TNS3: variants seen among roughly 807,000 people sequenced by gnomAD.
TNS3 encodes the protein tensin 3, also known as tensin-3.
TNS3 carries 45 observed loss-of-function variants against 140.9 expected under a neutral mutation model. That is an observed-to-expected ratio of 0.32 (90% CI 0.25 to 0.41). TNS3 has a LOEUF of 0.41. Among genes scored for constraint, TNS3 ranks in the 10% least tolerant of loss-of-function variants. The pLI is 1.00. For missense variants in TNS3, 1,716 were observed against 1,906.7 expected (o/e 0.90, Z 1.86); for synonymous variants, 815 against 788.4 (o/e 1.03, Z -0.56).
At chr7:47,530,088 T>C (rs2151941369) in intron 1 of TNS3, among the ~76,000 whole-genome samples, 1 of 152,322 alleles carries the variant, frequency 6.6e-6, no homozygotes, top group Admixed American at 6.5e-5. Context: ...AAAGCCTATG[T>C]CCACAAGAGA....
intron 11 of TNS3, 26 bp downstream of exon 11, chr7:47,415,068 G>GCCAATCCCCT: frequency 6.4e-7 from 1 of 1,569,732 alleles, no homozygotes; most frequent in Admixed American, 1.7e-5. Flanking sequence ...GCCAATCGCA[G>GCCAATCCCCT]GTGCCACGTC....
At chr7:47,494,623 C>A (rs1797932229) in intron 3 of TNS3, among the ~76,000 whole-genome samples, 1 of 152,128 alleles carries the variant, frequency 6.6e-6, no homozygotes, top group African/African-American at 2.4e-5. Flanking sequence ...AGGAAGCCTG[C>A]GGGCTTCGGA....
intron 1 of TNS3, among the ~76,000 whole-genome samples, chr7:47,550,680 G>A (rs2881800): frequency 0.042 from 6,384 of 152,268 alleles, 464 homozygotes; most frequent in African/African-American, 0.14. Flanking sequence ...AAAGATCTAC[G>A]TGGAAGGGCA....
chr7:47,472,873 G>A (rs1240849156), intron 4 of TNS3, among the ~76,000 whole-genome samples: 1 of 152,186 alleles, frequency 6.6e-6, no homozygotes, highest in African/African-American at 2.4e-5. Context: ...TGTTCAGGAC[G>A]CAGCAGCTGG....
At chr7:47,298,747 C>T (rs911304291) in intron 23 of TNS3, among the ~76,000 whole-genome samples, 3 of 152,234 alleles carry the variant, frequency 2.0e-5, no homozygotes, top group Admixed American at 1.3e-4. Flanking sequence ...CAGGCCTGAC[C>T]GGACCCACAG....
chr7:47,529,219 G>T, intron 1 of TNS3, 72 bp from the exon 2 acceptor site: 1 of 857,300 alleles, frequency 1.2e-6, no homozygotes, highest in Non-Finnish European at 1.6e-6. Flanking sequence ...TCATTTAAGG[G>T]AAATAATAAA....
chr7:47,401,063 T>C, intron 13 of TNS3, 149 bp from the exon 14 acceptor site: 1 of 1,215,224 alleles, frequency 8.2e-7, no homozygotes, highest in South Asian at 1.5e-5. Flanking sequence ...ACTTCAGCCC[T>C]GGGGCACAGG....
intron 3 of TNS3, among the ~76,000 whole-genome samples, chr7:47,496,840 G>A (rs982467641): frequency 2.6e-5 from 4 of 152,212 alleles, no homozygotes; most frequent in Admixed American, 1.3e-4. Context: ...CCAGGACTAC[G>A]GAAGTCCTCT....
chr7:47,570,302 AAC>A (rs1446064722), intron 1 of TNS3, among the ~76,000 whole-genome samples: 14 of 152,236 alleles, frequency 9.2e-5, no homozygotes, highest in African/African-American at 3.1e-4. Flanking sequence ...CAAACCCCAC[AAC>A]ACACTCTGTC....
chr7:47,361,874 A>G (rs1438698736), intron 17 of TNS3, among the ~76,000 whole-genome samples: 1 of 152,190 alleles, frequency 6.6e-6, no homozygotes, highest in Admixed American at 6.5e-5. Flanking sequence ...TGTAACATGA[A>G]TAAAATATTT....
chr7:47,557,923 C>A (rs1800237639), intron 1 of TNS3, among the ~76,000 whole-genome samples: 1 of 152,246 alleles, frequency 6.6e-6, no homozygotes, highest in Admixed American at 6.5e-5. Context: ...AGGATGGCCT[C>A]TTTTCCAGAG....
chr7:47,405,560 C>A, intron 13 of TNS3: 1 of 702,912 alleles, frequency 1.4e-6, no homozygotes, highest in African/African-American at 1.7e-5. Flanking sequence ...AATTCATGAC[C>A]TAAAGCAATT....
At chr7:47,490,213 A>C (rs1797760370) in intron 3 of TNS3, among the ~76,000 whole-genome samples, 2 of 152,200 alleles carry the variant, frequency 1.3e-5, no homozygotes, top group South Asian at 2.1e-4. Context: ...GTCCCAACTC[A>C]TGCATTCCTC....
At chr7:47,321,214 C>CA (rs986167482) in intron 20 of TNS3, among the ~76,000 whole-genome samples, 1 of 152,214 alleles carries the variant, frequency 6.6e-6, no homozygotes, top group Non-Finnish European at 1.5e-5. Context: ...GTTTTTGTTT[C>CA]ACTAAGGTTT....
intron 4 of TNS3, among the ~76,000 whole-genome samples, chr7:47,452,717 T>C (rs1796071270): frequency 6.6e-6 from 1 of 152,160 alleles, no homozygotes; most frequent in Non-Finnish European, 1.5e-5. Context: ...ACAAATAAGT[T>C]TCCCAAGAAG....
chr7:47,303,061 G>A lies in TNS3; in HGVS notation c.3346C>T (p.Pro1116Ser), dbSNP rs766536504. The A allele has an allele frequency of 2.5e-6, 4 of 1,614,236 alleles. No individual in the cohort carries two copies. Among genetic ancestry groups the A allele is most frequent in the Admixed American group, 1.7e-5 (1 of 60,036 alleles). Residue 1116 changes from proline to serine, a missense_variant, in exon 22 of 31, where the codon CCC (proline) becomes TCC (serine). By Grantham distance (74) the Pro-to-Ser change is moderately conservative (BLOSUM62 -1). Around this residue, in one of 3 missense-constraint regions of TNS3, gnomAD observed 1,163 missense variants for 1,182.1 expected, o/e 0.98. Transcript: ENST00000311160. ...GGGCTGGAGAAGCCACTGGAGGAGGGAGAGACTGAGCCCAAAGAACGATCC... is the reference window on the plus strand; with the variant it reads ...GGGCTGGAGAAGCCACTGGAGGAGGAAGAGACTGAGCCCAAAGAACGATCC... ...EGDRSLGSVSPSSSGFSSPHS... is the reference protein window; with the variant it reads ...EGDRSLGSVSSSSSGFSSPHS...
In TNS3 at chr7:47,400,889, C is replaced by T. The variant is rs765756443; in HGVS notation, c.749G>A (p.Arg250His). 9.9e-6 allele frequency: 16 copies of T among 1,614,068 alleles called. No homozygotes were observed. Among genetic ancestry groups the T allele is most frequent in the East Asian group, 2.2e-5 (1 of 44,894 alleles). The change falls in exon 14 of 31, where the codon CGC becomes CAC. Residue 250 changes from arginine (R) to histidine (H), a missense_variant. By Grantham distance (29) the Arg-to-His change is conservative. This residue lies in a region of TNS3 where 337 missense variants were observed against 428.9 expected (regional missense o/e 0.79). Transcript: ENST00000311160. ...GAAAATGACGTCACGGGTGGCCGAG[C>T]GGTATTTCTTGTGGTAGCATTTCAC... ...VMVKCYHKKY[R>H]SATRDVIFRL...
intron 20 of TNS3, among the ~76,000 whole-genome samples, chr7:47,340,576 C>CTTTTTTTTCTTTTTTTTCTTTT (rs1788945245): frequency 1.5e-5 from 2 of 130,172 alleles, no homozygotes; most frequent in African/African-American, 5.8e-5. Context: ...CTGGGATTTT[C>CTTTTTTTTCTTTTTTTTCTTTT]TTTTTTTTCT....
chr7:47,292,059 A>T (rs753636408), intron 26 of TNS3, 27 bp from the exon 27 acceptor site: 3 of 1,609,540 alleles, frequency 1.9e-6, no homozygotes, highest in South Asian at 2.2e-5. Flanking sequence ...GAAAATACAG[A>T]AATGAGTCCT....
Sources: gnomAD v4.1 joint callset for allele counts (sites outside exome capture counted in the v4.1 genomes callset) on GRCh38, gnomAD v4.1.1 for gene constraint, gnomAD v4.1.1 regional missense constraint, MANE v1.5 for transcripts, NCBI Gene and HGNC (gene_info 2026-07-23, HGNC 2026-07-21) for gene names.